The following NAALAD2 variants were observed in gnomAD, a reference collection of about 807,000 sequenced individuals.
NAALAD2 encodes the protein N-acetylated-alpha-linked acidic dipeptidase 2.
In NAALAD2, 89 loss-of-function variants were observed where a neutral mutation model predicts 95.6. That is an observed-to-expected ratio of 0.93 (90% confidence interval 0.78 to 1.11). NAALAD2 has a LOEUF of 1.11. Ranked by LOEUF, NAALAD2 falls within the 50% of genes least tolerant of loss-of-function variation. The probability of loss-of-function intolerance (pLI) is 0.00; values close to 1 mark genes in which losing one functional copy is unlikely to be tolerated. For missense variants in NAALAD2, 894 were observed against 872.4 expected (o/e 1.02, Z -0.31); for synonymous variants, 264 against 294.4 (o/e 0.90, Z 1.06).
At chr11:90,178,317 G>T (rs542475912) in intron 16 of NAALAD2, among the ~76,000 whole-genome samples, 200 bp downstream of exon 16, 2 of 152,236 alleles carry the variant, frequency 1.3e-5, no homozygotes, top group African/African-American at 4.8e-5. Flanking sequence ...ATCCATTATG[G>T]CTGAGTTATT....
chr11:90,188,385 TA>T (rs1276342949), intron 18 of NAALAD2, among the ~76,000 whole-genome samples: 6 of 152,208 alleles, frequency 3.9e-5, no homozygotes, highest in Admixed American at 3.3e-4. Flanking sequence ...TTATTGTGAA[TA>T]AAAAACGTGT....
In NAALAD2 at chr11:90,176,072, T is replaced by C; in HGVS notation, c.1593+10T>C. On this transcript the variant is annotated intron_variant, in intron 15 of 18. Transcript: ENST00000534061. Reference sequence around the variant, plus strand: ...TTACACTAAGAATAAGGTAAGCCATTTTATCATTTTGAATATATAACATTT... The same window carrying C: ...TTACACTAAGAATAAGGTAAGCCATCTTATCATTTTGAATATATAACATTT... The C allele has an allele frequency of 6.2e-7, 1 of 1,601,232 alleles. No individual in the cohort carries two copies. The highest frequency in any genetic ancestry group is 8.6e-7 in the Non-Finnish European group (1 of 1,168,770).
intron 2 of NAALAD2, among the ~76,000 whole-genome samples, chr11:90,139,532 T>G (rs1008517329): frequency 6.6e-6 from 1 of 152,208 alleles, no homozygotes; most frequent in African/African-American, 2.4e-5. Flanking sequence ...ATCTGAAGAC[T>G]TGTCTACTGC....
chr11:90,180,526 A>C (rs1952930785), intron 16 of NAALAD2, among the ~76,000 whole-genome samples: 1 of 152,026 alleles, frequency 6.6e-6, no homozygotes, highest in South Asian at 2.1e-4. Context: ...GTCAGACCTA[A>C]TAGAAATTAG....
At position 90,150,488 on chromosome 11, in the gene NAALAD2, C is replaced by G. The variant is rs1437337034; in HGVS notation, c.490C>G (p.Leu164Val). The change falls in exon 5 of 19, where the codon CTT (leucine) becomes GTT (valine). Residue 164 changes from leucine (L) to valine (V), a missense_variant. By Grantham distance (32) the Leu-to-Val change is conservative (BLOSUM62 1). Coordinates refer to ENST00000534061, the MANE Select transcript of NAALAD2 (RefSeq NM_005467.4). ...FSAQGMPEGDLVYVNYARTED... is the reference protein window; with the variant it reads ...FSAQGMPEGDVVYVNYARTED... ...TATTTTCTTTTCCCTATAGGGAGAT[C>G]TTGTATATGTGAACTATGCTCGCAC... 1.9e-6 allele frequency: 3 copies of G among 1,596,522 alleles called. No individual in the cohort carries two copies. Among genetic ancestry groups the G allele is most frequent in the Non-Finnish European group, 2.6e-6 (3 of 1,169,026 alleles).
intron 8 of NAALAD2, among the ~76,000 whole-genome samples, chr11:90,159,909 G>A (rs866917641): frequency 2.9e-4 from 42 of 146,952 alleles, no homozygotes; most frequent in Admixed American, 1.2e-3. Flanking sequence ...AGCTGAGATC[G>A]CGCCATTGCA....
chr11:90,174,600 G>C (rs1394293942), intron 14 of NAALAD2, among the ~76,000 whole-genome samples: 2 of 151,844 alleles, frequency 1.3e-5, no homozygotes, highest in African/African-American at 4.8e-5. Context: ...ATTTATTAAG[G>C]AACATTATCA....
intron 11 of NAALAD2, among the ~76,000 whole-genome samples, chr11:90,167,987 G>A (rs1029129179): frequency 3.5e-4 from 54 of 152,136 alleles, no homozygotes; most frequent in African/African-American, 1.2e-3. Flanking sequence ...CTCCTTCCAC[G>A]TTGTGAAAGA....
At chr11:90,159,841 C>A (rs373005410) in intron 8 of NAALAD2, among the ~76,000 whole-genome samples, 73 of 150,720 alleles carry the variant, frequency 4.8e-4, no homozygotes, top group African/African-American at 1.6e-3. Context: ...GTAATCCCAG[C>A]TACTTGGGAG....
rs142272586 is a variant in NAALAD2 at position 90,165,798 on chromosome 11, A to G, written c.1278+2181A>G. ...TTTTAGAAACATGCGATTTAGAAAC[A>G]TGTGATTTCTTGTGATACATATATA... On this transcript the variant is annotated intron_variant, in intron 11 of 18. Transcript: ENST00000534061. Among the ~76,000 whole-genome samples the G allele has an allele frequency of 1.5e-3, 233 of 152,316 alleles. 1 individual carries two copies. The highest frequency in any genetic ancestry group is 5.2e-3 in the African/African-American group (216 of 41,584).
In NAALAD2 at chr11:90,173,869, A is replaced by G; in HGVS notation, c.1456A>G (p.Ser486Gly). 6.2e-7 allele frequency: 1 copy of G among 1,613,106 alleles called. No individual in the cohort carries two copies. Among genetic ancestry groups the G allele is most frequent in the East Asian group, 2.2e-5 (1 of 44,718 alleles). The change falls in exon 14 of 19, where the codon AGC (serine) becomes GGC (glycine). Residue 486 changes from serine to glycine, a missense_variant. Coordinates refer to ENST00000534061, the MANE Select transcript of NAALAD2 (RefSeq NM_005467.4). ...DGFESKSLYE[S>G]WLEKDPSPEN... ...GTTTGAGAGTAAATCACTGTATGAA[A>G]GCTGGTTGGAAAAAGACCCTTCACC...
At chr11:90,171,440 C>T (rs1228545743) in intron 13 of NAALAD2, among the ~76,000 whole-genome samples, 1 of 152,174 alleles carries the variant, frequency 6.6e-6, no homozygotes, top group Non-Finnish European at 1.5e-5. Context: ...TCCATAAAAG[C>T]ATCTTATCTA....
chr11:90,142,517 T>A (rs1951645025), intron 2 of NAALAD2, among the ~76,000 whole-genome samples: 1 of 152,206 alleles, frequency 6.6e-6, no homozygotes, highest in South Asian at 2.1e-4. Flanking sequence ...TCCATCTACT[T>A]ACTTTTAACT....
intron 8 of NAALAD2, 137 bp downstream of exon 8, chr11:90,159,474 G>T: frequency 1.7e-6 from 1 of 586,836 alleles, no homozygotes; most frequent in Non-Finnish European, 3.0e-6. Flanking sequence ...TACTTAAGAA[G>T]TACTTACACA....
intron 18 of NAALAD2, among the ~76,000 whole-genome samples, chr11:90,189,461 A>G (rs1172347208): frequency 6.6e-6 from 1 of 152,230 alleles, no homozygotes; most frequent in Non-Finnish European, 1.5e-5. Flanking sequence ...CAAAGCATTT[A>G]ATTATGAAAT....
intron 18 of NAALAD2, among the ~76,000 whole-genome samples, chr11:90,189,635 G>A (rs1369123487): frequency 6.6e-6 from 1 of 152,086 alleles, no homozygotes; most frequent in Non-Finnish European, 1.5e-5. Flanking sequence ...CAGGCGTGGT[G>A]GTAGGCACCT....
intron 8 of NAALAD2, among the ~76,000 whole-genome samples, chr11:90,160,419 G>A (rs1952262025): frequency 6.6e-6 from 1 of 152,086 alleles, no homozygotes. Flanking sequence ...AGTCTTCTTT[G>A]CTAACAATTT....
At chr11:90,155,320 AAT>A (rs1382387027) in intron 6 of NAALAD2, among the ~76,000 whole-genome samples, 1 of 119,542 alleles carries the variant, frequency 8.4e-6, no homozygotes, top group East Asian at 2.3e-4. Context: ...TATTATATAT[AAT>A]ATATAATGTA....
At chr11:90,148,498 G>A (rs1490433919) in intron 3 of NAALAD2, among the ~76,000 whole-genome samples, 1 of 152,086 alleles carries the variant, frequency 6.6e-6, no homozygotes, top group Non-Finnish European at 1.5e-5. Context: ...AACATGTTGA[G>A]TTTGGACATC....
Sources: gnomAD v4.1 joint callset for allele counts (sites outside exome capture counted in the v4.1 genomes callset) on GRCh38, gnomAD v4.1.1 for gene constraint, MANE v1.5 for transcripts, NCBI Gene and HGNC (gene_info 2026-07-23, HGNC 2026-07-21) for gene names.